Variants in RALA observed in about 807,000 individuals in gnomAD.
RALA encodes RAS like proto-oncogene A, also known as ras-related protein Ral-A.
RALA carries 5 observed loss-of-function variants against 24.0 expected under a neutral mutation model. The observed-to-expected ratio is 0.21, with a 90% CI of 0.11 to 0.44. The LOEUF (loss-of-function observed/expected upper bound fraction) is 0.44, where lower values mean the gene tolerates loss of function less well. Among genes scored for constraint, RALA ranks in the 20% least tolerant of loss-of-function variants. The pLI, the probability that RALA is intolerant of heterozygous loss-of-function variation, is 0.99. For synonymous variants in RALA, 77 were observed against 83.8 expected (o/e 0.92, Z 0.44); for missense variants, 95 against 241.2 (o/e 0.39, Z 4.01).
intron 4 of RALA, 152 bp from the exon 5 acceptor site, chr7:39,705,971 G>C (rs1218868818): frequency 6.9e-6 from 4 of 577,236 alleles, no homozygotes; most frequent in Non-Finnish European, 1.1e-5. Context: ...GGAAAATCAG[G>C]CTTTAGTTTT....
chr7:39,653,004 G>C (rs1486650493), intron 1 of RALA, among the ~76,000 whole-genome samples: 1 of 148,646 alleles, frequency 6.7e-6, no homozygotes, highest in African/African-American at 2.5e-5. Flanking sequence ...ATTATTGTTA[G>C]CCAGGCTGGT....
At chr7:39,701,196 A>G (rs962118859) in intron 4 of RALA, among the ~76,000 whole-genome samples, 4 of 152,140 alleles carry the variant, frequency 2.6e-5, no homozygotes, top group Non-Finnish European at 4.4e-5. Flanking sequence ...ACATGCTCAC[A>G]TTCTTTCTTC....
At position 39,624,837 on chromosome 7, in the gene RALA, C is replaced by T. The variant is rs185443615; in HGVS notation, c.-38+1012C>T. Among the ~76,000 whole-genome samples the T allele has an allele frequency of 2.1e-3, 320 of 152,292 alleles. 1 individual carries two copies. The highest frequency in any genetic ancestry group is 0.014 in the Middle Eastern group (4 of 294). On this transcript the variant is annotated intron_variant, in intron 1 of 4. Transcript: ENST00000005257. ...CCAGAAAGTAAATTGCAACTTTAATCATATTCCAGAAATTGGATAACAGAT... is the reference window on the plus strand; with the variant it reads ...CCAGAAAGTAAATTGCAACTTTAATTATATTCCAGAAATTGGATAACAGAT...
intron 4 of RALA, among the ~76,000 whole-genome samples, chr7:39,697,967 G>GTT (rs959078426): frequency 3.6e-5 from 5 of 137,566 alleles, no homozygotes; most frequent in African/African-American, 8.0e-5. Context: ...GTGTGTGTGT[G>GTT]TGTGTGTATG....
chr7:39,699,135 T>A (rs1022998618), intron 4 of RALA, among the ~76,000 whole-genome samples: 4 of 122,632 alleles, frequency 3.3e-5, no homozygotes, highest in African/African-American at 9.4e-5. Context: ...TTTTTTTTTT[T>A]TTTTTTTTTT....
At chr7:39,646,711 T>C (rs1477575009) in intron 1 of RALA, among the ~76,000 whole-genome samples, 4 of 152,240 alleles carry the variant, frequency 2.6e-5, no homozygotes, top group African/African-American at 7.2e-5. Context: ...AAATTTATTC[T>C]GTTCTAGTCA....
chr7:39,699,313 TGTATTTTTA>T (rs1792980326), intron 4 of RALA, among the ~76,000 whole-genome samples: 2 of 150,538 alleles, frequency 1.3e-5, no homozygotes, highest in South Asian at 4.2e-4. Context: ...GCTAATTTTT[TGTATTTTTA>T]GTAGAGACGG....
chr7:39,668,207 G>A (rs1768483321), intron 1 of RALA, among the ~76,000 whole-genome samples: 1 of 152,190 alleles, frequency 6.6e-6, no homozygotes. Flanking sequence ...AATACACAAT[G>A]CCAGTAGGGA....
At chr7:39,654,689 C>T (rs530786514) in intron 1 of RALA, among the ~76,000 whole-genome samples, 1 of 152,224 alleles carries the variant, frequency 6.6e-6, no homozygotes, top group South Asian at 2.1e-4. Context: ...CATTTAGAAA[C>T]AATCCATTTT....
intron 4 of RALA, among the ~76,000 whole-genome samples, chr7:39,699,123 T>TTTTTTA (rs1792973201): frequency 1.1e-5 from 1 of 93,306 alleles, no homozygotes; most frequent in Admixed American, 9.7e-5. Flanking sequence ...AAAATGTTAT[T>TTTTTTA]TTTTTTTTTT....
chr7:39,706,800 G>C lies in RALA; in HGVS notation c.*555G>C, dbSNP rs1278997722. On this transcript the variant is annotated 3_prime_UTR_variant, in exon 5 of 5. Coordinates refer to ENST00000005257, the MANE Select transcript of RALA (RefSeq NM_005402.4). ...CTTTAATTACCTGGTGAGTAACTTAGAAAAGTGGTGTAAACTTGTACATGG... is the reference window on the plus strand; with the variant it reads ...CTTTAATTACCTGGTGAGTAACTTACAAAAGTGGTGTAAACTTGTACATGG... The C allele has an allele frequency of 6.5e-6, 1 of 152,680 alleles. No individual in the cohort carries two copies. Among genetic ancestry groups the C allele is most frequent in the African/African-American group, 2.4e-5 (1 of 41,450 alleles). The allele number at this position is 152,680 out of a possible 1,614,324, so 9.5% of individuals were successfully genotyped here.
chr7:39,675,511 C>T (rs751276744), intron 1 of RALA, among the ~76,000 whole-genome samples: 4 of 152,108 alleles, frequency 2.6e-5, no homozygotes, highest in Non-Finnish European at 5.9e-5. Flanking sequence ...GCGGGAGGAT[C>T]GCTCGAGCCC....
intron 1 of RALA, among the ~76,000 whole-genome samples, chr7:39,639,219 A>G (rs945671434): frequency 6.6e-6 from 1 of 152,238 alleles, no homozygotes; most frequent in Non-Finnish European, 1.5e-5. Flanking sequence ...ACTTCTAAAC[A>G]TTGAAAGAAT....
intron 1 of RALA, among the ~76,000 whole-genome samples, chr7:39,678,072 T>C (rs1028007047): frequency 4.8e-5 from 7 of 146,772 alleles, no homozygotes; most frequent in Admixed American, 2.0e-4. Context: ...AGGGATAGCA[T>C]TGGGAGATAT....
chr7:39,695,397 G>T (rs1792899548), intron 3 of RALA, among the ~76,000 whole-genome samples: 1 of 150,462 alleles, frequency 6.6e-6, no homozygotes, highest in Non-Finnish European at 1.5e-5. Flanking sequence ...ACTTTTTATT[G>T]TGGCATTTTT....
chr7:39,656,831 A>G (rs193134907), intron 1 of RALA, among the ~76,000 whole-genome samples: 4 of 152,324 alleles, frequency 2.6e-5, no homozygotes, highest in Non-Finnish European at 5.9e-5. Flanking sequence ...AGGGTAAGGG[A>G]TGTTCACTTC....
At chr7:39,668,128 A>G (rs1202708871) in intron 1 of RALA, among the ~76,000 whole-genome samples, 2 of 152,256 alleles carry the variant, frequency 1.3e-5, no homozygotes, top group Non-Finnish European at 2.9e-5. Flanking sequence ...TCTTTAAGAA[A>G]TCAGAGATAT....
chr7:39,635,069 G>T (rs548732305), intron 1 of RALA, among the ~76,000 whole-genome samples: 1 of 152,102 alleles, frequency 6.6e-6, no homozygotes, highest in Non-Finnish European at 1.5e-5. Context: ...GTGCAGTTTT[G>T]CCAGGTGTGG....
intron 1 of RALA, among the ~76,000 whole-genome samples, chr7:39,661,286 C>A (rs1792184295): frequency 6.6e-6 from 1 of 152,182 alleles, no homozygotes; most frequent in African/African-American, 2.4e-5. Flanking sequence ...TCCCAAATCT[C>A]ATGTCCTCAC....
Sources: allele counts gnomAD v4.1 joint callset (sites outside exome capture counted in the v4.1 genomes callset), GRCh38; gene constraint gnomAD v4.1.1; transcripts MANE v1.5; gene names NCBI Gene and HGNC (gene_info 2026-07-23, HGNC 2026-07-21).